WWOX: variants seen among roughly 807,000 people sequenced by gnomAD.
WWOX encodes the protein WW domain containing oxidoreductase.
WWOX carries 69 observed loss-of-function variants against 46.2 expected under a neutral mutation model. The ratio of observed to expected loss-of-function variants is 1.49; its 90% confidence interval spans 1.23 to 1.82. The LOEUF (loss-of-function observed/expected upper bound fraction) is 1.82, where lower values mean the gene tolerates loss of function less well. Among genes scored for constraint, WWOX ranks in the 40% most tolerant of loss-of-function variants. The probability of loss-of-function intolerance (pLI) is 0.00; values close to 1 mark genes in which losing one functional copy is unlikely to be tolerated. For missense variants in WWOX, 919 were observed against 542.6 expected (o/e 1.69, Z -6.89); for synonymous variants, 359 against 202.6 (o/e 1.77, Z -6.56).
At chr16:79,079,189 C>T (rs945845144) in intron 8 of WWOX, among the ~76,000 whole-genome samples, 6 of 152,164 alleles carry the variant, frequency 3.9e-5, no homozygotes, top group Admixed American at 6.5e-5. Flanking sequence ...CTTCTGTCAC[C>T]ACCACCTTTA....
intron 8 of WWOX, among the ~76,000 whole-genome samples, chr16:78,437,794 A>G (rs2083365773): frequency 1.3e-5 from 2 of 152,210 alleles, no homozygotes; most frequent in South Asian, 4.1e-4. Context: ...GTACTTTCTA[A>G]TAATGAAGTC....
chr16:79,149,945 C>G (rs186847046), intron 8 of WWOX, among the ~76,000 whole-genome samples: 1 of 152,344 alleles, frequency 6.6e-6, no homozygotes, highest in East Asian at 1.9e-4. Flanking sequence ...AAGGGACTCT[C>G]AGATGCCGAT....
At chr16:78,718,126 A>G (rs117611400) in intron 8 of WWOX, among the ~76,000 whole-genome samples, 3,244 of 62,418 alleles carry the variant, frequency 0.052, 47 homozygotes, top group African/African-American at 0.11. Flanking sequence ...TTTATAGAGA[A>G]AGTATGGGCC....
chr16:78,487,973 A>G lies in WWOX; in HGVS notation c.1056+55221A>G, dbSNP rs542254269. On this transcript the variant is annotated intron_variant, in intron 8 of 8. Coordinates refer to ENST00000566780, the MANE Select transcript of WWOX (RefSeq NM_016373.4). ...TAGGATCATTATCCCACCTTCCCCAAGCTTCGAAAGAGGTACAGGAGTCCT... is the reference window on the plus strand; with the variant it reads ...TAGGATCATTATCCCACCTTCCCCAGGCTTCGAAAGAGGTACAGGAGTCCT... Among the ~76,000 whole-genome samples, 7 of 152,286 alleles carry G rather than the reference A, an allele frequency of 4.6e-5. No homozygotes were observed. The East Asian group carries it at 9.7e-4, about 21-fold the overall frequency.
intron 5 of WWOX, among the ~76,000 whole-genome samples, chr16:78,308,150 G>A (rs1351962210): frequency 6.6e-6 from 1 of 152,134 alleles, no homozygotes; most frequent in African/African-American, 2.4e-5. Flanking sequence ...TGCAGTGTGG[G>A]AGTCCTTCCC....
chr16:78,165,611 G>C (rs1220689129), intron 5 of WWOX, among the ~76,000 whole-genome samples: 2 of 152,150 alleles, frequency 1.3e-5, no homozygotes, highest in African/African-American at 4.8e-5. Context: ...GCGTGTTTGG[G>C]AGCAGAGCCT....
intron 8 of WWOX, among the ~76,000 whole-genome samples, chr16:79,051,256 G>T (rs1029479510): frequency 3.9e-5 from 6 of 152,158 alleles, no homozygotes; most frequent in African/African-American, 1.4e-4. Flanking sequence ...CTTGGGAAGT[G>T]GACTCACCAA....
intron 8 of WWOX, among the ~76,000 whole-genome samples, chr16:78,647,293 G>A (rs1249716940): frequency 6.6e-6 from 1 of 152,130 alleles, no homozygotes; most frequent in East Asian, 1.9e-4. Context: ...GAAGGGGAGT[G>A]GATGCTGGCC....
At chr16:79,076,634 A>C (rs982691422) in intron 8 of WWOX, among the ~76,000 whole-genome samples, 2 of 152,178 alleles carry the variant, frequency 1.3e-5, no homozygotes, top group Non-Finnish European at 2.9e-5. Context: ...TACCTACCAC[A>C]GCTAGGTAGG....
chr16:78,838,492 T>A (rs2052051114), intron 8 of WWOX, among the ~76,000 whole-genome samples: 1 of 152,200 alleles, frequency 6.6e-6, no homozygotes, highest in African/African-American at 2.4e-5. Context: ...TCCCAAAAGA[T>A]TACATTGGTA....
chr16:79,011,582 C>T (rs2047310983), intron 8 of WWOX, among the ~76,000 whole-genome samples: 1 of 151,704 alleles, frequency 6.6e-6, no homozygotes, highest in Non-Finnish European at 1.5e-5. Flanking sequence ...GCCTCAGCCT[C>T]CCTGGGCTCA....
chr16:78,160,127 T>C (rs1328501717), intron 4 of WWOX, among the ~76,000 whole-genome samples: 4 of 152,208 alleles, frequency 2.6e-5, no homozygotes, highest in Non-Finnish European at 5.9e-5. Flanking sequence ...TGCTGGGTTA[T>C]TTTCCTAATG....
intron 5 of WWOX, among the ~76,000 whole-genome samples, chr16:78,356,388 T>C (rs1281162378): frequency 6.6e-6 from 1 of 152,154 alleles, no homozygotes; most frequent in Non-Finnish European, 1.5e-5. Context: ...CAAAGCCTTC[T>C]TCTAAAATGC....
chr16:78,465,602 T>G lies in WWOX; in HGVS notation c.1056+32850T>G, dbSNP rs564714904. ...CACATGGACCCATAATCTCTGAATT[T>G]AACATGCTTTTCAGGAATGTGTTCA... On this transcript the variant is annotated intron_variant, in intron 8 of 8. Coordinates refer to ENST00000566780, the MANE Select transcript of WWOX (RefSeq NM_016373.4). Among the ~76,000 whole-genome samples the G allele has an allele frequency of 1.2e-3, 189 of 152,372 alleles. 2 individuals carry two copies. The South Asian group carries it at 0.037, about 30-fold the overall frequency.
At chr16:78,807,569 G>C (rs1041123674) in intron 8 of WWOX, among the ~76,000 whole-genome samples, 1 of 152,212 alleles carries the variant, frequency 6.6e-6, no homozygotes, top group African/African-American at 2.4e-5. Flanking sequence ...TTCAAATGTG[G>C]CAAATGTGGA....
At chr16:78,324,658 C>T (rs1048651817) in intron 5 of WWOX, among the ~76,000 whole-genome samples, 1 of 151,894 alleles carries the variant, frequency 6.6e-6, no homozygotes, top group Non-Finnish European at 1.5e-5. Context: ...ACCTGGTAAA[C>T]ATGAGGCTAA....
At chr16:78,606,669 G>A (rs1015780535) in intron 8 of WWOX, among the ~76,000 whole-genome samples, 3 of 150,338 alleles carry the variant, frequency 2.0e-5, no homozygotes, top group African/African-American at 7.4e-5. Flanking sequence ...AGACAAATGT[G>A]AAGCCAGCCC....
chr16:78,780,685 A>G (rs2050303460), intron 8 of WWOX, among the ~76,000 whole-genome samples: 2 of 152,140 alleles, frequency 1.3e-5, no homozygotes, highest in African/African-American at 2.4e-5. Flanking sequence ...ATGGGGGAGA[A>G]CAGTCTAGGC....
At chr16:79,096,946 T>C (rs1324253622) in intron 8 of WWOX, among the ~76,000 whole-genome samples, 1 of 151,962 alleles carries the variant, frequency 6.6e-6, no homozygotes, top group South Asian at 2.1e-4. Flanking sequence ...TGTGGGCATA[T>C]TGGGGAGGGG....
Sources: allele counts gnomAD v4.1 joint callset (sites outside exome capture counted in the v4.1 genomes callset), GRCh38; gene constraint gnomAD v4.1.1; transcripts MANE v1.5; gene names NCBI Gene and HGNC (gene_info 2026-07-23, HGNC 2026-07-21).